CBFA2T2: variants seen among roughly 807,000 people sequenced by gnomAD.
CBFA2T2 encodes protein CBFA2T2.
A neutral mutation model predicts 62.2 loss-of-function variants in CBFA2T2; 11 were observed. The ratio of observed to expected loss-of-function variants is 0.18; its 90% CI spans 0.11 to 0.29. The LOEUF (loss-of-function observed/expected upper bound fraction) is 0.29. CBFA2T2 is among the 10% of genes least tolerant of loss of function. CBFA2T2 has a pLI of 1.00. For missense variants in CBFA2T2, 592 were observed against 774.1 expected, an observed-to-expected ratio of 0.76 and a Z score of 2.79; for synonymous variants, 295 against 287.5, an observed-to-expected ratio of 1.03 and a Z score of -0.27.
intron 1 of CBFA2T2, among the ~76,000 whole-genome samples, chr20:33,562,825 T>C (rs1268385369): frequency 1.3e-5 from 2 of 152,232 alleles, no homozygotes; most frequent in African/African-American, 2.4e-5. Context: ...TTTTAATGCT[T>C]CATTTTATTT....
intron 1 of CBFA2T2, among the ~76,000 whole-genome samples, chr20:33,521,177 GTTTA>G (rs1326929136): frequency 6.6e-6 from 1 of 152,086 alleles, no homozygotes; most frequent in Non-Finnish European, 1.5e-5. Context: ...CTCATATTCT[GTTTA>G]TTTAGCACTA....
At chr20:33,559,889 G>C (rs2013030559) in intron 1 of CBFA2T2, among the ~76,000 whole-genome samples, 1 of 152,172 alleles carries the variant, frequency 6.6e-6, no homozygotes, top group East Asian at 1.9e-4. Flanking sequence ...CTCCAGAAGT[G>C]ATTGATGGCC....
intron 10 of CBFA2T2, among the ~76,000 whole-genome samples, chr20:33,642,329 C>T (rs2016889083): frequency 6.6e-6 from 1 of 152,016 alleles, no homozygotes; most frequent in Admixed American, 6.6e-5. Flanking sequence ...AGGCTGGGCA[C>T]AGTGGCCAAT....
rs1276230534 is a variant in CBFA2T2 at position 33,647,711 on chromosome 20, G to A, written c.*3065G>A. The A allele has an allele frequency of 6.6e-6, 1 of 152,224 alleles. No homozygotes were observed. The highest frequency in any genetic ancestry group is 1.5e-5 in the Non-Finnish European group (1 of 68,056). 9.4% of individuals were successfully genotyped at this position (152,224 alleles called of 1,614,324 possible). On this transcript the variant is annotated 3_prime_UTR_variant, in exon 11 of 11. Coordinates refer to ENST00000342704, the MANE Select transcript of CBFA2T2 (RefSeq NM_001032999.3). ...TTAGGGCTCGATGCCCATTTCTGTG[G>A]CTAAGGCTTAGGTTTGGTGTGCAGA...
intron 1 of CBFA2T2, among the ~76,000 whole-genome samples, chr20:33,555,281 A>C (rs964180258): frequency 1.4e-4 from 22 of 152,204 alleles, no homozygotes; most frequent in African/African-American, 5.3e-4. Context: ...AAAAAAAAAA[A>C]AACATTAAAA....
At chr20:33,539,222 C>G (rs1281434835) in intron 1 of CBFA2T2, among the ~76,000 whole-genome samples, 1 of 152,148 alleles carries the variant, frequency 6.6e-6, no homozygotes, top group African/African-American at 2.4e-5. Context: ...GAGAGTAACA[C>G]AAGAACTTTA....
At chr20:33,549,403 A>G (rs1262522996) in intron 1 of CBFA2T2, among the ~76,000 whole-genome samples, 2 of 152,236 alleles carry the variant, frequency 1.3e-5, no homozygotes, top group Non-Finnish European at 2.9e-5. Flanking sequence ...ATGTGTATTC[A>G]TCAGTAGAAT....
chr20:33,490,518 C>G (rs1015805324), intron 1 of CBFA2T2, among the ~76,000 whole-genome samples: 4 of 152,108 alleles, frequency 2.6e-5, no homozygotes, highest in African/African-American at 9.7e-5. Flanking sequence ...TCGGGGCTCA[C>G]GGTGTGAGGG....
chr20:33,499,073 G>A (rs1194345081), intron 1 of CBFA2T2, among the ~76,000 whole-genome samples: 1 of 151,754 alleles, frequency 6.6e-6, no homozygotes, highest in Admixed American at 6.6e-5. Context: ...TAAGCAGAGA[G>A]ATTGAGTTTA....
chr20:33,572,945 A>G (rs1201032467), intron 1 of CBFA2T2, among the ~76,000 whole-genome samples: 1 of 152,234 alleles, frequency 6.6e-6, no homozygotes, highest in Non-Finnish European at 1.5e-5. Flanking sequence ...GCCCAGCTTT[A>G]TGGCAGTGAA....
chr20:33,576,644 A>G (rs935936571), intron 1 of CBFA2T2, among the ~76,000 whole-genome samples: 2 of 152,232 alleles, frequency 1.3e-5, no homozygotes, highest in African/African-American at 2.4e-5. Flanking sequence ...ACCTCTCCCA[A>G]TTTTCTGGGC....
intron 1 of CBFA2T2, among the ~76,000 whole-genome samples, chr20:33,555,119 T>TG (rs113356099): frequency 9.8e-5 from 15 of 152,348 alleles, no homozygotes; most frequent in African/African-American, 3.1e-4. Context: ...GCTAGGCACT[T>TG]GCCTTATTTG....
chr20:33,539,092 G>A (rs1555832997), intron 1 of CBFA2T2, among the ~76,000 whole-genome samples: 7 of 152,164 alleles, frequency 4.6e-5, no homozygotes. Flanking sequence ...TTATAGTTGG[G>A]GAGAGAGCAT....
chr20:33,500,423 T>A (rs1270944112), intron 1 of CBFA2T2, among the ~76,000 whole-genome samples: 1 of 151,542 alleles, frequency 6.6e-6, no homozygotes. Context: ...AAAAAAAAAG[T>A]CCAGGCCAGG....
At chr20:33,536,591 G>A (rs1173233909) in intron 1 of CBFA2T2, among the ~76,000 whole-genome samples, 1 of 150,042 alleles carries the variant, frequency 6.7e-6, no homozygotes, top group Admixed American at 6.6e-5. Flanking sequence ...GGCGGCTGCC[G>A]GGCGGAGGGG....
intron 1 of CBFA2T2, among the ~76,000 whole-genome samples, chr20:33,545,292 T>A (rs1452273669): frequency 6.6e-6 from 1 of 152,158 alleles, no homozygotes; most frequent in African/African-American, 2.4e-5. Context: ...TTTTGAAAAA[T>A]GCCACTAGAT....
intron 9 of CBFA2T2, among the ~76,000 whole-genome samples, chr20:33,639,923 C>T (rs17124861): frequency 0.11 from 16,496 of 152,176 alleles, 2,416 homozygotes; most frequent in African/African-American, 0.32. Context: ...ATTTCTTAGT[C>T]TGGCATGCAA....
At chr20:33,617,864 A>G (rs2015768792) in intron 3 of CBFA2T2, among the ~76,000 whole-genome samples, 1 of 152,214 alleles carries the variant, frequency 6.6e-6, no homozygotes, top group Non-Finnish European at 1.5e-5. Flanking sequence ...AAAATGTCTT[A>G]ATGTTTACCG....
chr20:33,491,971 G>A (rs961459360), intron 1 of CBFA2T2, among the ~76,000 whole-genome samples: 4 of 151,488 alleles, frequency 2.6e-5, no homozygotes, highest in African/African-American at 9.7e-5. Flanking sequence ...ACCTCCCCCC[G>A]CCCCAGGTTC....
Sources: allele counts gnomAD v4.1 joint callset (sites outside exome capture counted in the v4.1 genomes callset), GRCh38; gene constraint gnomAD v4.1.1; transcripts MANE v1.5; gene names NCBI Gene and HGNC (gene_info 2026-07-23, HGNC 2026-07-21).